ACTL6A: variants seen among roughly 807,000 people sequenced by gnomAD.
ACTL6A encodes actin like 6A.
ACTL6A carries 5 observed loss-of-function variants against 59.2 expected under a neutral mutation model. The observed-to-expected ratio is 0.08, with a 90% CI of 0.04 to 0.18. The LOEUF is 0.18. Among genes scored for constraint, ACTL6A ranks in the 10% least tolerant of loss-of-function variants. The pLI is 1.00. For synonymous variants in ACTL6A, 154 were observed against 171.8 expected, an observed-to-expected ratio of 0.90 and a Z score of 0.81; for missense variants, 285 against 526.9, an observed-to-expected ratio of 0.54 and a Z score of 4.49.
chr3:179,573,166 G>A (rs116449103), intron 3 of ACTL6A: 11,071 of 423,050 alleles, frequency 0.026, 228 homozygotes, highest in Non-Finnish European at 0.037. Context: ...TCTGGGGGCT[G>A]GAGGGACCAA....
At chr3:179,567,895 T>C (rs1313928038) in intron 1 of ACTL6A, among the ~76,000 whole-genome samples, 1 of 152,174 alleles carries the variant, frequency 6.6e-6, no homozygotes, top group African/African-American at 2.4e-5. Flanking sequence ...AATGAGAGGC[T>C]GGGCGCGGTG....
In ACTL6A at chr3:179,563,043, A is replaced by T. The variant is rs918231367; in HGVS notation, c.-50A>T. 3 of 1,604,802 alleles carry T rather than the reference A, an allele frequency of 1.9e-6. No individual in the cohort carries two copies. Among genetic ancestry groups the T allele is most frequent in the Non-Finnish European group, 2.5e-6 (3 of 1,177,916 alleles). ...CGAGACTCGCAGTCGCGGCCACTGC[A>T]GTCACTTCGCCAGTTAGCCCTTAGG... On this transcript the variant is annotated 5_prime_UTR_variant, in exon 1 of 14. Transcript: ENST00000429709.
Position 179,569,113 on chromosome 3 carries a change from A to T in ACTL6A, c.26-711A>T, listed in dbSNP as rs148230033. Among the ~76,000 whole-genome samples the T allele has an allele frequency of 4.9e-3, 751 of 152,314 alleles. 6 individuals carry two copies. Among genetic ancestry groups the T allele is most frequent in the East Asian group, 0.017 (89 of 5,188 alleles). On this transcript the variant is annotated intron_variant, in intron 1 of 13. Transcript: ENST00000429709. ...GGACAATAAATTATAGAATCACCCTAGTTGATGGTGGAGGGAGGTTGCTGG... is the reference window on the plus strand; with the variant it reads ...GGACAATAAATTATAGAATCACCCTTGTTGATGGTGGAGGGAGGTTGCTGG...
chr3:179,575,140 G>T (rs1267659425), intron 5 of ACTL6A: 2 of 308,222 alleles, frequency 6.5e-6, no homozygotes, highest in African/African-American at 4.4e-5. Context: ...ACCGTGCCCA[G>T]CCTCTAATAA....
Position 179,573,492 on chromosome 3 carries a change from C to T in ACTL6A, c.378+23C>T, listed in dbSNP as rs761813905. On this transcript the variant is annotated intron_variant, in intron 4 of 13. Coordinates refer to ENST00000429709, the MANE Select transcript of ACTL6A (RefSeq NM_004301.5). ...CCGGTGAGATAAAGATTTTCTTTTT[C>T]ACGTTTCTCTAGTTGTTTTTTTTTT... The T allele has an allele frequency of 4.9e-6, 7 of 1,419,866 alleles. No individual in the cohort carries two copies. The Admixed American group carries it at 1.9e-4, about 38-fold the overall frequency. 88.0% of individuals were successfully genotyped at this position (1,419,866 alleles called of 1,614,324 possible). A position where few individuals can be genotyped will look rare whatever the true frequency, so the allele number is the denominator to read the frequency against.
rs1469906613 is a variant in ACTL6A at position 179,576,903 on chromosome 3, A to C, written c.758A>C (p.Tyr253Ser). ...CAGGTTACGAGGTCTTGGCACAATT[A>C]TATGTGTAATGTAAGTAACCCTCAT... ...LPQVTRSWHNYMCNCVIQDFQ... is the reference protein window; with the variant it reads ...LPQVTRSWHNSMCNCVIQDFQ... Residue 253 changes from tyrosine to serine, a missense_variant, in exon 8 of 14, where the codon TAT (tyrosine) becomes TCT (serine). Coordinates refer to ENST00000429709, the MANE Select transcript of ACTL6A (RefSeq NM_004301.5). 6.2e-7 allele frequency: 1 copy of C among 1,613,188 alleles called. No individual in the cohort carries two copies. The highest frequency in any genetic ancestry group is 1.7e-5 in the Admixed American group (1 of 59,886).
At chr3:179,565,833 T>G (rs1490345589) in intron 1 of ACTL6A, among the ~76,000 whole-genome samples, 6 of 152,144 alleles carry the variant, frequency 3.9e-5, no homozygotes, top group Admixed American at 1.3e-4. Context: ...TTTTGAAGGA[T>G]TTATGTACCA....
At chr3:179,584,799 A>G (rs1718437732) in intron 12 of ACTL6A, among the ~76,000 whole-genome samples, 1 of 152,068 alleles carries the variant, frequency 6.6e-6, no homozygotes. Context: ...AAAAAAAACA[A>G]CAACAACAAA....
intron 8 of ACTL6A, among the ~76,000 whole-genome samples, chr3:179,580,331 G>A (rs977933467): frequency 2.6e-5 from 4 of 152,324 alleles, no homozygotes; most frequent in Middle Eastern, 3.4e-3. Context: ...TAAGGAGAAA[G>A]TGGTGTTCTG....
intron 13 of ACTL6A, 75 bp from the exon 14 acceptor site, chr3:179,587,855 A>AG: frequency 1.4e-6 from 1 of 697,386 alleles, no homozygotes; most frequent in Non-Finnish European, 2.1e-6. Flanking sequence ...ACCTTCTCTC[A>AG]AAAAAAAAAA....
At position 179,573,454 on chromosome 3, in the gene ACTL6A, C is replaced by G; in HGVS notation, c.363C>G (p.Leu121=). The change falls in exon 4 of 14, where the codon CTC becomes CTG. Residue 121 remains leucine (L), a synonymous_variant. Coordinates refer to ENST00000429709, the MANE Select transcript of ACTL6A (RefSeq NM_004301.5). ...VKSEASLHPV[L]MSEAPWNTRA... Reference sequence around the variant, plus strand: ...CAGAAGCCAGTCTCCATCCTGTTCTCATGTCAGAGGCACCGGTGAGATAAA... The same window carrying G: ...CAGAAGCCAGTCTCCATCCTGTTCTGATGTCAGAGGCACCGGTGAGATAAA... 6.4e-7 allele frequency: 1 copy of G among 1,571,630 alleles called. No homozygotes were observed. Among genetic ancestry groups the G allele is most frequent in the South Asian group, 1.2e-5 (1 of 81,014 alleles).
At chr3:179,581,358 A>C (rs1450119712) in intron 11 of ACTL6A, 138 bp downstream of exon 11, 2 of 719,788 alleles carry the variant, frequency 2.8e-6, no homozygotes, top group Non-Finnish European at 4.7e-6. Context: ...CAGTATATGT[A>C]AAAAGATGAA....
chr3:179,581,789 A>G (rs1194863130), intron 11 of ACTL6A, among the ~76,000 whole-genome samples: 2 of 152,220 alleles, frequency 1.3e-5, no homozygotes, highest in Non-Finnish European at 2.9e-5. Context: ...TTCACTCATT[A>G]TCAGTGATAG....
chr3:179,571,419 TCAAAAAAAAAAA>T (rs752922673), intron 3 of ACTL6A, among the ~76,000 whole-genome samples: 36 of 116,826 alleles, frequency 3.1e-4, no homozygotes, highest in South Asian at 5.9e-4. Flanking sequence ...AGACTCTGTC[TCAAAAAAAAAAA>T]CAAAAAAAAA....
Position 179,580,693 on chromosome 3 carries a change from T to C in ACTL6A, c.822T>C (p.Tyr274=), listed in dbSNP as rs139752448. ...ASVLQVSDST[Y]DEQVAAQMPT... is the part of the protein sequence containing the mutation. ...TACTTCAAGTGTCAGATTCAACTTA[T>C]GATGAACAGTATGTTTTCTTATTAA... Residue 274 remains tyrosine (Y), a synonymous_variant, in exon 9 of 14, where the codon TAT becomes TAC. Coordinates refer to ENST00000429709, the MANE Select transcript of ACTL6A (RefSeq NM_004301.5). 3.4e-4 allele frequency: 548 copies of C among 1,602,640 alleles called. 2 individuals are homozygous for C. The East Asian group carries it at 6.0e-3, about 18-fold the overall frequency.
At chr3:179,569,741 A>G (rs1013546966) in intron 1 of ACTL6A, 83 bp from the exon 2 acceptor site, 1 of 1,148,474 alleles carries the variant, frequency 8.7e-7, no homozygotes, top group Non-Finnish European at 1.3e-6. Flanking sequence ...GCTTGAGCCT[A>G]GGAGGTTGAG....
Position 179,570,107 on chromosome 3 carries a change from A to G in ACTL6A, c.143A>G (p.Asp48Gly), listed in dbSNP as rs1717957636. The change falls in exon 3 of 14, where the codon GAT (aspartate) becomes GGT (glycine). Residue 48 changes from aspartate (D) to glycine (G), a missense_variant. By Grantham distance (94) the Asp-to-Gly change is moderately conservative. Transcript: ENST00000429709. The surrounding 1 kb of genome is among the most constrained non-coding windows in gnomAD (Gnocchi z 4.3). ...PTAIGMVVER[D>G]DGSTLMEIDG... ...GCTATTGGTATGGTGGTAGAAAGAG[A>G]TGACGGAAGCACATTAATGGAAATA... 6.2e-7 allele frequency: 1 copy of G among 1,614,146 alleles called. No homozygotes were observed. Among genetic ancestry groups the G allele is most frequent in the Non-Finnish European group, 8.5e-7 (1 of 1,180,024 alleles).
At position 179,580,688 on chromosome 3, in the gene ACTL6A, A is replaced by G; in HGVS notation, c.817A>G (p.Thr273Ala). The change falls in exon 9 of 14, where the codon ACT (threonine) becomes GCT (alanine). Residue 273 changes from threonine to alanine, a missense_variant. Thr to Ala is a moderately conservative substitution (Grantham distance 58). Transcript: ENST00000429709. ...QASVLQVSDS[T>A]YDEQVAAQMP... ...TTCGGTACTTCAAGTGTCAGATTCAACTTATGATGAACAGTATGTTTTCTT... is the reference window on the plus strand; with the variant it reads ...TTCGGTACTTCAAGTGTCAGATTCAGCTTATGATGAACAGTATGTTTTCTT... 6.2e-7 allele frequency: 1 copy of G among 1,605,532 alleles called. No individual in the cohort carries two copies. The highest frequency in any genetic ancestry group is 1.3e-5 in the African/African-American group (1 of 74,784).
In ACTL6A at chr3:179,567,686, T is replaced by TA. The variant is rs542745281; in HGVS notation, c.26-2137dup. On this transcript the variant is annotated intron_variant, in intron 1 of 13. Coordinates refer to ENST00000429709, the MANE Select transcript of ACTL6A (RefSeq NM_004301.5). ...ACCAACTCATATTCATTGCTATACT[T>TA]ACGATTTGTACTCAAGTTTAGGTGC... Among the ~76,000 whole-genome samples the TA allele has an allele frequency of 1.3e-3, 196 of 152,344 alleles. No homozygotes were observed. The South Asian group carries it at 0.016, about 12-fold the overall frequency.
Sources: allele counts gnomAD v4.1 joint callset (sites outside exome capture counted in the v4.1 genomes callset), GRCh38; gene constraint gnomAD v4.1.1; non-coding constraint Gnocchi (gnomAD v3.1); transcripts MANE v1.5; gene names NCBI Gene and HGNC (gene_info 2026-07-23, HGNC 2026-07-21).